The following ASIC2 variants were observed in gnomAD, a reference collection of about 807,000 sequenced individuals.
The protein encoded by ASIC2 is acid sensing ion channel subunit 2.
In ASIC2, 25 loss-of-function variants were observed where a neutral mutation model predicts 57.3. That is an observed-to-expected ratio of 0.44 (90% CI 0.32 to 0.61). The LOEUF (loss-of-function observed/expected upper bound fraction) is 0.61, where lower values mean the gene tolerates loss of function less well. ASIC2 is among the 20% of genes least tolerant of loss of function. ASIC2 has a pLI of 0.06. For synonymous variants in ASIC2, 319 were observed against 307.5 expected, an observed-to-expected ratio of 1.04 and a Z score of -0.39; for missense variants, 641 against 738.1, an observed-to-expected ratio of 0.87 and a Z score of 1.52.
chr17:33,221,053 A>G (rs964530923), intron 1 of ASIC2, among the ~76,000 whole-genome samples: 1 of 152,238 alleles, frequency 6.6e-6, no homozygotes, highest in African/African-American at 2.4e-5. Context: ...CCTGGGCCAC[A>G]GAGAGAGAAC....
chr17:33,951,911 T>A (rs1467841), intron 1 of ASIC2, among the ~76,000 whole-genome samples: 1 of 151,892 alleles, frequency 6.6e-6, no homozygotes, highest in Non-Finnish European at 1.5e-5. Context: ...CCTTTCTTAC[T>A]GAAAGAACCC....
At chr17:33,192,588 C>T (rs990834791) in intron 1 of ASIC2, among the ~76,000 whole-genome samples, 1 of 152,160 alleles carries the variant, frequency 6.6e-6, no homozygotes, top group African/African-American at 2.4e-5. Context: ...CCCTCACCTC[C>T]TAACGTCAGC....
intron 1 of ASIC2, among the ~76,000 whole-genome samples, chr17:33,593,990 A>G (rs907917971): frequency 5.3e-5 from 8 of 152,138 alleles, no homozygotes; most frequent in South Asian, 2.1e-4. Flanking sequence ...TTTCTATTCA[A>G]ATTTTCATCC....
At chr17:34,132,437 CTTAT>C (rs1346417945) in intron 1 of ASIC2, among the ~76,000 whole-genome samples, 1 of 152,148 alleles carries the variant, frequency 6.6e-6, no homozygotes, top group Non-Finnish European at 1.5e-5. Context: ...CTTTTATTCC[CTTAT>C]TTGTCTCCGC....
chr17:33,799,427 C>CTTCCTTCT, intron 1 of ASIC2, among the ~76,000 whole-genome samples: 1 of 84,096 alleles, frequency 1.2e-5, no homozygotes, highest in Admixed American at 1.4e-4. Flanking sequence ...TTCTTTCTTT[C>CTTCCTTCT]TTCTTTCTTT....
intron 1 of ASIC2, among the ~76,000 whole-genome samples, chr17:34,101,760 T>C (rs1391665796): frequency 6.6e-6 from 1 of 152,200 alleles, no homozygotes; most frequent in Non-Finnish European, 1.5e-5. Context: ...TACCACATTG[T>C]ATATATCCTG....
intron 1 of ASIC2, among the ~76,000 whole-genome samples, chr17:33,617,537 C>T (rs1007995120): frequency 1.6e-4 from 24 of 152,094 alleles, no homozygotes; most frequent in African/African-American, 4.8e-4. Flanking sequence ...AAAAAAACTA[C>T]CTATTGGGTA....
intron 1 of ASIC2, among the ~76,000 whole-genome samples, chr17:33,902,833 G>T (rs1347344003): frequency 1.3e-5 from 2 of 152,152 alleles, no homozygotes; most frequent in African/African-American, 2.4e-5. Context: ...GAACTGTTAA[G>T]GTCCTGCCAT....
chr17:33,978,027 T>C (rs921606916), intron 1 of ASIC2, among the ~76,000 whole-genome samples: 2 of 151,952 alleles, frequency 1.3e-5, no homozygotes, highest in African/African-American at 4.8e-5. Context: ...GGCTGTGGAG[T>C]CCTGGTGCCA....
intron 1 of ASIC2, among the ~76,000 whole-genome samples, chr17:33,891,428 C>T (rs917237208): frequency 9.2e-5 from 14 of 152,106 alleles, no homozygotes; most frequent in African/African-American, 3.4e-4. Context: ...ATGAGGTCAT[C>T]GGCCTACTAT....
intron 1 of ASIC2, among the ~76,000 whole-genome samples, chr17:34,144,061 T>A (rs992451511): frequency 6.6e-6 from 1 of 152,224 alleles, no homozygotes; most frequent in African/African-American, 2.4e-5. Context: ...CTCATTCATA[T>A]CCTGCTTCCA....
chr17:34,088,092 T>C (rs1393661211), intron 1 of ASIC2, among the ~76,000 whole-genome samples: 1 of 152,276 alleles, frequency 6.6e-6, no homozygotes, highest in Non-Finnish European at 1.5e-5. Context: ...AGGAACTGCG[T>C]TCCTTTGGAG....
intron 1 of ASIC2, among the ~76,000 whole-genome samples, chr17:33,917,722 A>G (rs1351600264): frequency 6.6e-6 from 1 of 152,238 alleles, no homozygotes; most frequent in Non-Finnish European, 1.5e-5. Context: ...ATAATTCAAC[A>G]AACATTAATT....
chr17:33,252,580 C>T (rs1908922665), intron 1 of ASIC2, among the ~76,000 whole-genome samples: 2 of 151,156 alleles, frequency 1.3e-5, no homozygotes, highest in South Asian at 4.2e-4. Context: ...TGTGCCCAGC[C>T]CTGCGATGGG....
intron 1 of ASIC2, among the ~76,000 whole-genome samples, chr17:34,033,842 C>A (rs1293400591): frequency 1.3e-5 from 2 of 152,218 alleles, no homozygotes; most frequent in Non-Finnish European, 2.9e-5. Context: ...AGACCAATCA[C>A]AGGCTCTCAA....
intron 2 of ASIC2, among the ~76,000 whole-genome samples, chr17:33,097,591 A>AG (rs1178015676): frequency 3.3e-5 from 5 of 152,212 alleles, no homozygotes; most frequent in African/African-American, 1.2e-4. Flanking sequence ...GCTGGGATCC[A>AG]GGTCTCTAGA....
intron 1 of ASIC2, among the ~76,000 whole-genome samples, chr17:33,644,122 T>G (rs919864478): frequency 6.6e-6 from 1 of 152,200 alleles, no homozygotes; most frequent in African/African-American, 2.4e-5. Flanking sequence ...CTCTTGCTTC[T>G]CGTTGTGTGT....
At chr17:34,056,071 T>C (rs1418518753) in intron 1 of ASIC2, among the ~76,000 whole-genome samples, 1 of 152,012 alleles carries the variant, frequency 6.6e-6, no homozygotes, top group Non-Finnish European at 1.5e-5. Flanking sequence ...TATTGATAAA[T>C]ACGGTCAAGA....
At chr17:34,001,163 T>G (rs1287749475) in intron 1 of ASIC2, 1 of 152,216 alleles carries the variant, frequency 6.6e-6, no homozygotes. Flanking sequence ...CCTTGTTGCC[T>G]TGTGTTGGTG....
Sources: allele counts gnomAD v4.1 joint callset (sites outside exome capture counted in the v4.1 genomes callset), GRCh38; gene constraint gnomAD v4.1.1; transcripts MANE v1.5; gene names NCBI Gene and HGNC (gene_info 2026-07-23, HGNC 2026-07-21).